The following SEMA6D variants were observed in gnomAD, a reference collection of about 807,000 sequenced individuals.
SEMA6D encodes the protein semaphorin 6D.
Under a neutral mutation model 106.6 loss-of-function variants are expected in SEMA6D, and 35 were observed. That is an observed-to-expected ratio of 0.33 (90% confidence interval 0.25 to 0.44). The LOEUF (loss-of-function observed/expected upper bound fraction) is 0.44, where lower values mean the gene tolerates loss of function less well. Among genes scored for constraint, SEMA6D ranks in the 20% least tolerant of loss-of-function variants. The pLI is 1.00. For synonymous variants in SEMA6D, 499 were observed against 487.7 expected, an observed-to-expected ratio of 1.02 and a Z score of -0.31; for missense variants, 1,185 against 1,345.9, an observed-to-expected ratio of 0.88 and a Z score of 1.87.
chr15:47,441,145 GTCTT>G (rs2041869464), intron 2 of SEMA6D, among the ~76,000 whole-genome samples: 1 of 152,066 alleles, frequency 6.6e-6, no homozygotes, highest in South Asian at 2.1e-4. Flanking sequence ...GTCTCTTTTG[GTCTT>G]TCTTATGTTT....
intron 4 of SEMA6D, among the ~76,000 whole-genome samples, chr15:47,611,155 AC>A (rs1420365490): frequency 1.2e-4 from 9 of 75,698 alleles, no homozygotes; most frequent in Non-Finnish European, 2.9e-5. Context: ...ACATACACAC[AC>A]ACACACACAC....
intron 1 of SEMA6D, among the ~76,000 whole-genome samples, chr15:47,386,641 T>C (rs2145735198): frequency 6.6e-6 from 1 of 152,336 alleles, no homozygotes; most frequent in Non-Finnish European, 1.5e-5. Flanking sequence ...TTAGTATTTT[T>C]ACCTGCTCAG....
At chr15:47,695,479 T>C (rs2078679144) in intron 4 of SEMA6D, among the ~76,000 whole-genome samples, 1 of 151,752 alleles carries the variant, frequency 6.6e-6, no homozygotes, top group Admixed American at 6.6e-5. Context: ...AACCTCTACA[T>C]AGGAAAGAGG....
chr15:47,367,587 A>G (rs1215502531), intron 1 of SEMA6D, among the ~76,000 whole-genome samples: 1 of 152,024 alleles, frequency 6.6e-6, no homozygotes, highest in African/African-American at 2.4e-5. Context: ...GCCTTAAGCT[A>G]TTTTGAAGGG....
chr15:47,278,337 T>A (rs1160644077), intron 1 of SEMA6D, among the ~76,000 whole-genome samples: 1 of 152,216 alleles, frequency 6.6e-6, no homozygotes, highest in African/African-American at 2.4e-5. Context: ...TCATTGTGGT[T>A]TTGATTTGCA....
At chr15:47,586,397 G>A (rs2076339968) in intron 3 of SEMA6D, among the ~76,000 whole-genome samples, 3 of 152,170 alleles carry the variant, frequency 2.0e-5, no homozygotes, top group Non-Finnish European at 4.4e-5. Context: ...CTTGCTTCAT[G>A]TCGTTTTTGT....
At chr15:47,766,261 C>T in intron 15 of SEMA6D, 79 bp downstream of exon 15, 1 of 1,222,520 alleles carries the variant, frequency 8.2e-7, no homozygotes, top group Non-Finnish European at 1.2e-6. Context: ...AGAAAACTTC[C>T]AATTATACTA....
exon 1 of SEMA6D, chr15:47,184,150 A>G (rs903275361): frequency 6.5e-6 from 1 of 152,824 alleles, no homozygotes; most frequent in East Asian, 1.9e-4. Context: ...TGCTGAGGTG[A>G]CAGGGTGTGG....
chr15:47,646,779 A>G (rs1174122560), intron 4 of SEMA6D, among the ~76,000 whole-genome samples: 1 of 152,186 alleles, frequency 6.6e-6, no homozygotes, highest in African/African-American at 2.4e-5. Context: ...TCACTAGGTA[A>G]ATGTGTCCCC....
intron 15 of SEMA6D, among the ~76,000 whole-genome samples, chr15:47,766,397 G>C (rs2082340266): frequency 6.6e-6 from 1 of 151,894 alleles, no homozygotes; most frequent in African/African-American, 2.4e-5. Context: ...AATGGATGGA[G>C]AGAAAAAACC....
chr15:47,196,138 G>A (rs1169596828), intron 1 of SEMA6D, among the ~76,000 whole-genome samples: 1 of 152,040 alleles, frequency 6.6e-6, no homozygotes, highest in Non-Finnish European at 1.5e-5. Flanking sequence ...GAAGTAACTG[G>A]CATCTGAGGA....
chr15:47,373,283 A>C (rs1282640202), intron 1 of SEMA6D, among the ~76,000 whole-genome samples: 1 of 152,184 alleles, frequency 6.6e-6, no homozygotes, highest in Non-Finnish European at 1.5e-5. Flanking sequence ...TTTAGTAGAC[A>C]GGAGAGCTCC....
intron 1 of SEMA6D, among the ~76,000 whole-genome samples, chr15:47,260,946 G>A (rs1367461004): frequency 2.6e-5 from 4 of 152,000 alleles, no homozygotes; most frequent in Admixed American, 1.3e-4. Context: ...TTTTTCTGTT[G>A]GGAGGAGGGA....
Position 47,504,984 on chromosome 15 carries a change from C to T in SEMA6D, c.-87+34439C>T, listed in dbSNP as rs565592224. 2.5e-3 allele frequency among the ~76,000 whole-genome samples: 374 copies of T among 152,202 alleles called. 1 individual carries two copies. Among genetic ancestry groups the T allele is most frequent in the Non-Finnish European group, 2.4e-3 (162 of 68,008 alleles). On this transcript the variant is annotated intron_variant, in intron 3 of 19. Transcript: ENST00000558014. The stretch of plus-strand genomic sequence containing the variant: ...TCAGGAAAATTTGCCTCATTCCTGT[C>T]ATCTGAGCCTGGAGAGACTCGGGCC...
intron 1 of SEMA6D, among the ~76,000 whole-genome samples, chr15:47,195,679 A>C (rs1224495985): frequency 6.6e-6 from 1 of 151,870 alleles, no homozygotes; most frequent in Non-Finnish European, 1.5e-5. Flanking sequence ...ACCCTGACCA[A>C]TTTAGGTATC....
intron 3 of SEMA6D, among the ~76,000 whole-genome samples, chr15:47,550,790 C>G (rs1279995525): frequency 6.6e-6 from 1 of 152,120 alleles, no homozygotes; most frequent in African/African-American, 2.4e-5. Context: ...CTCATTCATT[C>G]TCCCGTGGCT....
intron 3 of SEMA6D, among the ~76,000 whole-genome samples, chr15:47,544,163 CTG>C (rs984688478): frequency 6.6e-6 from 1 of 152,134 alleles, no homozygotes; most frequent in Non-Finnish European, 1.5e-5. Context: ...ATATAAAACT[CTG>C]TTTTTGTAAA....
intron 1 of SEMA6D, among the ~76,000 whole-genome samples, chr15:47,244,370 C>G (rs766074431): frequency 6.6e-6 from 1 of 152,116 alleles, no homozygotes; most frequent in Admixed American, 6.6e-5. Flanking sequence ...TTCAGGGTTA[C>G]TAAGGATTAG....
At chr15:47,557,941 C>G (rs2045962447) in intron 3 of SEMA6D, among the ~76,000 whole-genome samples, 1 of 152,088 alleles carries the variant, frequency 6.6e-6, no homozygotes, top group Admixed American at 6.6e-5. Flanking sequence ...ATGAAACCTA[C>G]AATTCTGATG....
Sources: allele counts gnomAD v4.1 joint callset (sites outside exome capture counted in the v4.1 genomes callset), GRCh38; gene constraint gnomAD v4.1.1; transcripts MANE v1.5; gene names NCBI Gene and HGNC (gene_info 2026-07-23, HGNC 2026-07-21).